The following CDH18 variants were observed in gnomAD, a reference collection of about 807,000 sequenced individuals.
The protein encoded by CDH18 is cadherin-18.
A neutral mutation model predicts 67.9 loss-of-function variants in CDH18; 31 were observed. That is an observed-to-expected ratio of 0.46 (90% CI 0.34 to 0.62). The LOEUF (loss-of-function observed/expected upper bound fraction) is 0.62. Ranked by LOEUF, CDH18 falls within the 20% of genes least tolerant of loss-of-function variation. CDH18 has a pLI of 0.01. For missense variants in CDH18, 890 were observed against 975.5 expected (o/e 0.91, Z 1.17); for synonymous variants, 362 against 347.2 (o/e 1.04, Z -0.48).
At chr5:19,835,223 G>C (rs1163368086) in intron 3 of CDH18, among the ~76,000 whole-genome samples, 1 of 152,090 alleles carries the variant, frequency 6.6e-6, no homozygotes, top group Non-Finnish European at 1.5e-5. Flanking sequence ...CCTTTGCAGG[G>C]ACATGGATGA....
At chr5:19,842,015 T>G (rs1362502672) in intron 2 of CDH18, among the ~76,000 whole-genome samples, 1 of 152,192 alleles carries the variant, frequency 6.6e-6, no homozygotes, top group Non-Finnish European at 1.5e-5. Flanking sequence ...ATATAAAATT[T>G]TTCTGCATTA....
At chr5:20,338,405 T>C (rs1162712920) in intron 1 of CDH18, among the ~76,000 whole-genome samples, 1 of 152,224 alleles carries the variant, frequency 6.6e-6, no homozygotes, top group East Asian at 1.9e-4. Flanking sequence ...ATGGGATTTC[T>C]TTCCTTGGGG....
At chr5:20,335,305 TCA>T (rs1323756946) in intron 1 of CDH18, among the ~76,000 whole-genome samples, 1 of 152,194 alleles carries the variant, frequency 6.6e-6, no homozygotes, top group African/African-American at 2.4e-5. Flanking sequence ...CCCCACATAT[TCA>T]CACAGTTAAT....
chr5:20,210,448 T>C (rs1561880101), intron 2 of CDH18, among the ~76,000 whole-genome samples: 1 of 152,016 alleles, frequency 6.6e-6, no homozygotes, highest in Non-Finnish European at 1.5e-5. Context: ...TCCATAGAGC[T>C]TACAAGAATT....
intron 2 of CDH18, among the ~76,000 whole-genome samples, chr5:19,931,569 T>C (rs574356938): frequency 3.1e-4 from 47 of 151,996 alleles, no homozygotes; most frequent in African/African-American, 1.1e-3. Context: ...CATTTCAAAG[T>C]AGAAAGTCTA....
chr5:19,639,675 G>A (rs940438023), intron 5 of CDH18, among the ~76,000 whole-genome samples: 1 of 152,122 alleles, frequency 6.6e-6, no homozygotes, highest in Non-Finnish European at 1.5e-5. Flanking sequence ...AAACATCAGA[G>A]CCACTGCCAC....
At chr5:20,328,689 A>T (rs145610631) in intron 1 of CDH18, among the ~76,000 whole-genome samples, 514 of 152,290 alleles carry the variant, frequency 3.4e-3, no homozygotes, top group Non-Finnish European at 5.5e-3. Context: ...GACCTGCCTC[A>T]ATCACTTTTT....
chr5:19,811,158 GAAGGAGAGAAAGAA>G lies in CDH18; in HGVS notation c.228+27587_228+27600del, dbSNP rs1561351929. ...AGAAAGAAAGAAAGAAAGAAAGAAA[GAAGGAGAGAAAGAA>G]AGAGAAGAAAGAGGGAGAGAAAGAA... On this transcript the variant is annotated intron_variant, in intron 3 of 12. Coordinates refer to ENST00000382275, the MANE Select transcript of CDH18 (RefSeq NM_004934.5). Among the ~76,000 whole-genome samples, 98 of 18,520 alleles carry G rather than the reference GAAGGAGAGAAAGAA, an allele frequency of 5.3e-3. 2 individuals carry two copies. Among genetic ancestry groups the G allele is most frequent in the Non-Finnish European group, 7.0e-3 (72 of 10,228 alleles). 12.1% of individuals were successfully genotyped at this position (18,520 alleles called of 152,430 possible).
chr5:20,124,958 G>A (rs936226075), intron 2 of CDH18, among the ~76,000 whole-genome samples: 1 of 152,142 alleles, frequency 6.6e-6, no homozygotes, highest in African/African-American at 2.4e-5. Context: ...CCAATGCTCA[G>A]TGTTCATATG....
chr5:20,501,399 AATATATATATTTTTATATACATATT>A (rs1754239156), intron 1 of CDH18, among the ~76,000 whole-genome samples: 1 of 142,666 alleles, frequency 7.0e-6, no homozygotes, highest in African/African-American at 2.6e-5. Flanking sequence ...CAAATCCTAA[AATATATATATTTTTATATACATATT>A]ATATATATAT....
chr5:20,189,748 C>T (rs564752351), intron 2 of CDH18, among the ~76,000 whole-genome samples: 16 of 152,192 alleles, frequency 1.1e-4, no homozygotes, highest in South Asian at 6.2e-4. Flanking sequence ...CAACCATGTC[C>T]GGTGTTGAAT....
chr5:19,750,228 T>G (rs535572503), intron 3 of CDH18, among the ~76,000 whole-genome samples: 1 of 152,224 alleles, frequency 6.6e-6, no homozygotes, highest in East Asian at 1.9e-4. Flanking sequence ...AGTGGTTTAC[T>G]CTCAAGATTC....
In CDH18 at chr5:20,238,012, G is replaced by A. The variant is rs1032642448; in HGVS notation, c.-518+17432C>T. Reference sequence around the variant, plus strand: ...CCTAAATAGGTGCAATTATATATGGGAAATTGATTTTTGACAAACATGCCA... The same window carrying A: ...CCTAAATAGGTGCAATTATATATGGAAAATTGATTTTTGACAAACATGCCA... On this transcript the variant is annotated intron_variant, in intron 2 of 14. Coordinates refer to the CDH18 transcript ENST00000507958. Among the ~76,000 whole-genome samples, 3 of 151,916 alleles carry A rather than the reference G, an allele frequency of 2.0e-5. No homozygotes were observed. The East Asian group carries it at 5.8e-4, about 29-fold the overall frequency.
At chr5:20,005,415 T>TAC (rs3065076) in intron 2 of CDH18, among the ~76,000 whole-genome samples, 46,133 of 146,912 alleles carry the variant, frequency 0.31, 7,668 homozygotes, top group Middle Eastern at 0.49. Flanking sequence ...TATATATATG[T>TAC]ACACACACAC....
chr5:19,780,100 C>A (rs1008575171), intron 3 of CDH18, among the ~76,000 whole-genome samples: 2 of 152,068 alleles, frequency 1.3e-5, no homozygotes, highest in African/African-American at 4.8e-5. Flanking sequence ...TAGAATAGGG[C>A]AGTATCTGTT....
intron 1 of CDH18, among the ~76,000 whole-genome samples, chr5:20,363,254 G>A (rs550207655): frequency 5.9e-5 from 9 of 151,704 alleles, no homozygotes; most frequent in African/African-American, 1.9e-4. Flanking sequence ...GGAGGCCAAG[G>A]AGGGTGAATC....
At chr5:20,413,261 G>T (rs781332764) in intron 1 of CDH18, among the ~76,000 whole-genome samples, 5 of 152,128 alleles carry the variant, frequency 3.3e-5, no homozygotes, top group Admixed American at 2.0e-4. Context: ...GAATAGTGCC[G>T]CAATAAACAT....
chr5:20,524,236 T>A (rs17234862), intron 1 of CDH18, among the ~76,000 whole-genome samples: 60,310 of 152,060 alleles, frequency 0.4, 13,388 homozygotes, highest in East Asian at 0.56. Context: ...ACAAACAAAC[T>A]TTTCTCAGTG....
At chr5:19,715,792 A>C (rs1765268478) in intron 5 of CDH18, among the ~76,000 whole-genome samples, 1 of 150,288 alleles carries the variant, frequency 6.7e-6, no homozygotes, top group African/African-American at 2.4e-5. Flanking sequence ...AAATGTAGTA[A>C]TTTTGGAAAT....
Sources: gnomAD v4.1 joint callset for allele counts (sites outside exome capture counted in the v4.1 genomes callset) on GRCh38, gnomAD v4.1.1 for gene constraint, MANE v1.5 for transcripts, NCBI Gene and HGNC (gene_info 2026-07-23, HGNC 2026-07-21) for gene names.